Variants in DCDC1 observed in about 807,000 individuals in gnomAD.
DCDC1 encodes the protein doublecortin domain containing 1, also known as doublecortin domain-containing protein 1.
In DCDC1, 200 loss-of-function variants were observed where a neutral mutation model predicts 178.3. The observed-to-expected ratio is 1.12, with a 90% confidence interval of 1.00 to 1.26. The LOEUF (loss-of-function observed/expected upper bound fraction) is 1.26. DCDC1 is among the 50% of genes most tolerant of loss of function. The pLI is 0.00. For missense variants in DCDC1, 1,983 were observed against 1,749.2 expected, an observed-to-expected ratio of 1.13 and a Z score of -2.38; for synonymous variants, 690 against 604.8, an observed-to-expected ratio of 1.14 and a Z score of -2.07.
chr11:31,172,209 AGAT>A (rs1259199924), intron 9 of DCDC1, among the ~76,000 whole-genome samples: 2 of 152,078 alleles, frequency 1.3e-5, no homozygotes, highest in African/African-American at 4.8e-5. Flanking sequence ...TTCAGATCCA[AGAT>A]GATACCTTCT....
intron 9 of DCDC1, among the ~76,000 whole-genome samples, chr11:31,172,871 T>C (rs1256608204): frequency 6.6e-6 from 1 of 152,138 alleles, no homozygotes. Flanking sequence ...AGTGAACTCA[T>C]GCAGTTCAAA....
At chr11:31,272,744 A>C (rs1335220353) in intron 7 of DCDC1, among the ~76,000 whole-genome samples, 1 of 152,022 alleles carries the variant, frequency 6.6e-6, no homozygotes, top group African/African-American at 2.4e-5. Flanking sequence ...GGGCAGTTCT[A>C]CTCCTGCGGC....
At chr11:30,943,553 C>A in intron 21 of DCDC1, 1 of 382,422 alleles carries the variant, frequency 2.6e-6, no homozygotes, top group Non-Finnish European at 5.2e-6. Flanking sequence ...CAATTCCTTC[C>A]TTGAATATGA....
intron 17 of DCDC1, among the ~76,000 whole-genome samples, chr11:31,089,758 T>C (rs1355732856): frequency 1.3e-5 from 2 of 152,148 alleles, no homozygotes; most frequent in Non-Finnish European, 2.9e-5. Flanking sequence ...TATATTGTAG[T>C]TTTAATCTCT....
chr11:31,025,088 A>G (rs1390517860), intron 20 of DCDC1, among the ~76,000 whole-genome samples: 2 of 151,884 alleles, frequency 1.3e-5, no homozygotes, highest in Non-Finnish European at 3.0e-5. Context: ...AGTAATTTCA[A>G]CTAAAGTATC....
intron 20 of DCDC1, among the ~76,000 whole-genome samples, chr11:30,963,926 A>G (rs935287667): frequency 6.6e-6 from 1 of 152,112 alleles, no homozygotes; most frequent in African/African-American, 2.4e-5. Context: ...TTCTGCCACC[A>G]TTAAGTCATA....
chr11:31,277,964 T>A lies in DCDC1; in HGVS notation c.961-12364A>T, dbSNP rs1226148403. 3.9e-5 allele frequency among the ~76,000 whole-genome samples: 6 copies of A among 152,124 alleles called. No individual in the cohort carries two copies. In the South Asian group the frequency reaches 6.2e-4, roughly 16 times the overall value. On this transcript the variant is annotated intron_variant, in intron 7 of 38. Transcript: ENST00000684477. ...TTCATATTTTTTGTGTCCTAAGAAA[T>A]ATTTGCCTACCCAAGGTTAAAAAGA...
intron 10 of DCDC1, among the ~76,000 whole-genome samples, chr11:31,135,511 A>AT (rs901039970): frequency 2.0e-5 from 3 of 152,258 alleles, no homozygotes; most frequent in African/African-American, 4.8e-5. Flanking sequence ...AGTCTTTTAG[A>AT]TTTTTTCTAA....
At chr11:31,066,801 C>T (rs1157109920) in intron 18 of DCDC1, among the ~76,000 whole-genome samples, 1 of 152,120 alleles carries the variant, frequency 6.6e-6, no homozygotes, top group Non-Finnish European at 1.5e-5. Flanking sequence ...TGTCATTATA[C>T]ATTAGTTCAA....
chr11:31,148,374 C>T (rs1964712701), intron 9 of DCDC1, among the ~76,000 whole-genome samples: 1 of 151,844 alleles, frequency 6.6e-6, no homozygotes, highest in Non-Finnish European at 1.5e-5. Flanking sequence ...TGGCAAAACC[C>T]CATCTCTACC....
intron 20 of DCDC1, among the ~76,000 whole-genome samples, chr11:31,037,656 G>A (rs1400480270): frequency 6.6e-6 from 1 of 151,764 alleles, no homozygotes; most frequent in Non-Finnish European, 1.5e-5. Context: ...GTAGAGACGG[G>A]GTTTCACCGT....
At chr11:31,353,307 C>G (rs1200067601) in intron 1 of DCDC1, among the ~76,000 whole-genome samples, 1 of 152,198 alleles carries the variant, frequency 6.6e-6, no homozygotes, top group Non-Finnish European at 1.5e-5. Flanking sequence ...TAACTAGCAG[C>G]ATAGCCTGAA....
At chr11:31,353,997 T>C (rs780444595) in intron 1 of DCDC1, among the ~76,000 whole-genome samples, 1 of 152,096 alleles carries the variant, frequency 6.6e-6, no homozygotes, top group Non-Finnish European at 1.5e-5. Context: ...AGTTAAAATA[T>C]GAGTCAAAGG....
At chr11:30,903,705 G>A (rs1024503672) in intron 31 of DCDC1, 22 bp from the exon 32 acceptor site, 1 of 1,553,314 alleles carries the variant, frequency 6.4e-7, no homozygotes, top group Non-Finnish European at 8.7e-7. Flanking sequence ...AGGCAGTAAG[G>A]ATCTGACAGG....
chr11:30,940,137 A>C (rs1474883222), intron 21 of DCDC1, among the ~76,000 whole-genome samples: 1 of 152,170 alleles, frequency 6.6e-6, no homozygotes, highest in East Asian at 1.9e-4. Context: ...CAATTATCCC[A>C]TAGAACTTAT....
rs749229308 is a variant in DCDC1 at position 31,127,483 on chromosome 11, C to G, written c.1471G>C (p.Gly491Arg). ...SLPANTLVPG[G>R]LQLKVFENGK... is the part of the protein sequence containing the mutation. ...ACGACACCCACCTTAAGCTGCAGGC[C>G]TCCTGGGACAAGCGTGTTTGCTGGA... is the stretch of plus-strand genomic sequence containing the variant. Residue 491 changes from glycine to arginine, a missense_variant, in exon 11 of 39, where the codon GGC (glycine) becomes CGC (arginine). By Grantham distance (125) the Gly-to-Arg change is moderately radical (BLOSUM62 -2). Coordinates refer to ENST00000684477, the MANE Select transcript of DCDC1 (RefSeq NM_001387274.1). The G allele has an allele frequency of 2.8e-6, 2 of 702,280 alleles. No individual in the cohort carries two copies. Among genetic ancestry groups the G allele is most frequent in the Non-Finnish European group, 2.6e-6 (1 of 384,598 alleles). The allele number at this position is 702,280 out of a possible 1,614,324, so 43.5% of individuals were successfully genotyped here.
At chr11:31,001,600 G>C (rs1361778791) in intron 20 of DCDC1, among the ~76,000 whole-genome samples, 1 of 152,176 alleles carries the variant, frequency 6.6e-6, no homozygotes, top group African/African-American at 2.4e-5. Flanking sequence ...AATGCTGTTT[G>C]ACAAGGCAGC....
intron 20 of DCDC1, among the ~76,000 whole-genome samples, chr11:31,058,447 A>G (rs1466425264): frequency 1.3e-5 from 2 of 152,150 alleles, no homozygotes; most frequent in Non-Finnish European, 2.9e-5. Context: ...GTAAATATAT[A>G]TGTATATGAC....
At position 31,352,538 on chromosome 11, in the gene DCDC1, T is replaced by C. The variant is rs1445672592; in HGVS notation, c.-124-16974A>G. Among the ~76,000 whole-genome samples, 6 of 152,116 alleles carry C rather than the reference T, an allele frequency of 3.9e-5. No individual in the cohort carries two copies. The East Asian group carries it at 1.2e-3, about 29-fold the overall frequency. On this transcript the variant is annotated intron_variant, in intron 1 of 38. Coordinates refer to ENST00000684477, the MANE Select transcript of DCDC1 (RefSeq NM_001387274.1). Reference sequence around the variant, plus strand: ...CAACACAACAACTTCATAATTCGAGTAGTCAAGGCATTCCATATATTAAGG... The same window carrying C: ...CAACACAACAACTTCATAATTCGAGCAGTCAAGGCATTCCATATATTAAGG...
Sources: allele counts gnomAD v4.1 joint callset (sites outside exome capture counted in the v4.1 genomes callset), GRCh38; gene constraint gnomAD v4.1.1; transcripts MANE v1.5; gene names NCBI Gene and HGNC (gene_info 2026-07-23, HGNC 2026-07-21).